SOCS7: variants seen among roughly 807,000 people sequenced by gnomAD.
SOCS7 encodes the protein suppressor of cytokine signaling 7.
Under a neutral mutation model 58.9 loss-of-function variants are expected in SOCS7, and 18 were observed. That is an observed-to-expected ratio of 0.31 (90% CI 0.21 to 0.45). The LOEUF (loss-of-function observed/expected upper bound fraction) is 0.45. SOCS7 is among the 20% of genes least tolerant of loss of function. SOCS7 has a pLI of 1.00. For synonymous variants in SOCS7, 388 were observed against 364.3 expected, an observed-to-expected ratio of 1.06 and a Z score of -0.74; for missense variants, 667 against 837.3, an observed-to-expected ratio of 0.80 and a Z score of 2.51.
At chr17:38,396,714 T>C (rs1242165706) in intron 9 of SOCS7, among the ~76,000 whole-genome samples, 1 of 152,208 alleles carries the variant, frequency 6.6e-6, no homozygotes, top group Non-Finnish European at 1.5e-5. Context: ...AAAGTGAACA[T>C]TGTGGGGCCA....
chr17:38,352,378 C>T lies in SOCS7; in HGVS notation c.326C>T (p.Ala109Val), dbSNP rs182736053. The T allele has an allele frequency of 7.6e-6, 11 of 1,438,692 alleles. No individual in the cohort carries two copies. The Admixed American group carries it at 1.8e-4, about 24-fold the overall frequency. 89.1% of individuals were successfully genotyped at this position (1,438,692 alleles called of 1,614,324 possible). A position where few individuals can be genotyped will look rare whatever the true frequency, so the allele number is the denominator to read the frequency against. ...CCCAAGGCCCTGCCGCCGGGCTTGG[C>T]GCTCGAGCGGACCTGGGGCCCGGCG... Reference protein sequence around the residue: ...LDPKALPPGLALERTWGPAAG... With the variant: ...LDPKALPPGLVLERTWGPAAG... The change falls in exon 1 of 10, where the codon GCG (alanine) becomes GTG (valine). Residue 109 changes from alanine to valine, a missense_variant. Around this residue, in one of 9 missense-constraint regions of SOCS7, gnomAD observed 154 missense variants for 156.3 expected, o/e 0.98. Transcript: ENST00000612932. The surrounding 1 kb of genome is among the most constrained non-coding windows in gnomAD (Gnocchi z 5.5).
chr17:38,384,837 C>T (rs189672904), intron 7 of SOCS7, among the ~76,000 whole-genome samples: 10 of 151,748 alleles, frequency 6.6e-5, no homozygotes, highest in Admixed American at 2.6e-4. Context: ...GTGATCCACC[C>T]GCCTCAGCCT....
chr17:38,389,906 TAG>T lies in SOCS7; in HGVS notation c.1682-5382_1682-5381del, dbSNP rs772399580. Among the ~76,000 whole-genome samples, 194 of 103,336 alleles carry T rather than the reference TAG, an allele frequency of 1.9e-3. 1 individual carries two copies. The highest frequency in any genetic ancestry group is 0.015 in the Middle Eastern group (3 of 198). The allele number at this position is 103,336 out of a possible 152,430, so 67.8% of individuals were successfully genotyped here. A position where few individuals can be genotyped will look rare whatever the true frequency, so the allele number is the denominator to read the frequency against. On this transcript the variant is annotated intron_variant, in intron 7 of 9. Coordinates refer to ENST00000612932, the MANE Select transcript of SOCS7 (RefSeq NM_014598.4). ...ATGTACATATATATATATACACATA[TAG>T]AGAGAGAGAGAGAGAGAGAGTGAGA...
intron 6 of SOCS7, among the ~76,000 whole-genome samples, chr17:38,371,298 G>T (rs1597694391): frequency 6.8e-6 from 1 of 147,002 alleles, no homozygotes; most frequent in Admixed American, 6.8e-5. Flanking sequence ...TTTTTGAGAC[G>T]GAGTCTCGCT....
chr17:38,354,310 T>G (rs913733683), intron 1 of SOCS7, among the ~76,000 whole-genome samples: 7 of 152,204 alleles, frequency 4.6e-5, no homozygotes, highest in Non-Finnish European at 1.0e-4. Context: ...AACCTTACTG[T>G]GAACTAAGAT....
chr17:38,367,670 G>A (rs1444739647), intron 5 of SOCS7, among the ~76,000 whole-genome samples: 2 of 152,222 alleles, frequency 1.3e-5, no homozygotes, highest in Admixed American at 6.5e-5. Flanking sequence ...CACAGCTCAC[G>A]GCCAGAATTA....
intron 7 of SOCS7, among the ~76,000 whole-genome samples, chr17:38,380,974 C>T (rs2037993303): frequency 6.6e-6 from 1 of 152,182 alleles, no homozygotes; most frequent in South Asian, 2.1e-4. Flanking sequence ...AAAGGTAACT[C>T]GGTTGATCAG....
At chr17:38,388,727 A>C (rs950953530) in intron 7 of SOCS7, among the ~76,000 whole-genome samples, 3 of 152,182 alleles carry the variant, frequency 2.0e-5, no homozygotes, top group Admixed American at 2.0e-4. Context: ...TGTTTGGTAC[A>C]TTTCACATAA....
chr17:38,362,703 A>G (rs977708595), intron 2 of SOCS7, among the ~76,000 whole-genome samples: 3 of 152,224 alleles, frequency 2.0e-5, no homozygotes, highest in African/African-American at 7.2e-5. Flanking sequence ...CTGTATAGGC[A>G]TCTACTGTAG....
intron 1 of SOCS7, among the ~76,000 whole-genome samples, chr17:38,361,263 C>T (rs976353608): frequency 6.6e-6 from 1 of 152,280 alleles, no homozygotes; most frequent in African/African-American, 2.4e-5. Context: ...AGGTCAGAAT[C>T]TGTTCCTTGG....
At chr17:38,387,336 A>C (rs1466356129) in intron 7 of SOCS7, among the ~76,000 whole-genome samples, 3 of 145,554 alleles carry the variant, frequency 2.1e-5, no homozygotes, top group Admixed American at 7.0e-5. Flanking sequence ...AATCCCAGCT[A>C]CTTGGGAGGC....
chr17:38,354,291 T>C (rs1404968968), intron 1 of SOCS7, among the ~76,000 whole-genome samples: 1 of 152,168 alleles, frequency 6.6e-6, no homozygotes, highest in Non-Finnish European at 1.5e-5. Context: ...AGAACAGGTA[T>C]AAATTGATAA....
chr17:38,371,125 GT>G (rs1412435184), intron 6 of SOCS7, among the ~76,000 whole-genome samples: 1 of 151,986 alleles, frequency 6.6e-6, no homozygotes, highest in African/African-American at 2.4e-5. Flanking sequence ...GTTTTGTTTT[GT>G]TTTTTAAAGA....
intron 1 of SOCS7, among the ~76,000 whole-genome samples, chr17:38,355,767 A>G (rs1175944207): frequency 2.6e-5 from 4 of 152,202 alleles, no homozygotes; most frequent in East Asian, 1.9e-4. Context: ...AGGTTTAACA[A>G]TTCCCACATT....
chr17:38,373,083 G>T (rs1225644457), intron 6 of SOCS7, among the ~76,000 whole-genome samples: 1 of 151,150 alleles, frequency 6.6e-6, no homozygotes, highest in East Asian at 1.9e-4. Context: ...TCCAGCCTGG[G>T]CAACAAGAGC....
At chr17:38,389,667 AT>A (rs1380309878) in intron 7 of SOCS7, among the ~76,000 whole-genome samples, 31 of 142,184 alleles carry the variant, frequency 2.2e-4, no homozygotes, top group Non-Finnish European at 3.5e-4. Context: ...AGCATGAAGG[AT>A]TTTGATGAGT....
rs772572762 is a variant in SOCS7, at chr17:38,364,874, C to T, written c.1150+18C>T. ...CCTCCTAGGTATAGTTTCTTCCCCT[C>T]TCCACCTTCTTGCCTAGTGGGAGGG... On this transcript the variant is annotated intron_variant, in intron 3 of 9. Transcript: ENST00000612932. 4.4e-6 allele frequency: 7 copies of T among 1,589,334 alleles called. No homozygotes were observed. Among genetic ancestry groups the T allele is most frequent in the Non-Finnish European group, 5.2e-6 (6 of 1,158,256 alleles).
rs1181894944 is a variant in SOCS7, at chr17:38,352,781, G to A, written c.729G>A (p.Glu243=). 6.5e-7 allele frequency: 1 copy of A among 1,526,950 alleles called. No homozygotes were observed. The highest frequency in any genetic ancestry group is 2.0e-5 in the Admixed American group (1 of 50,464). 94.6% of individuals were successfully genotyped at this position (1,526,950 alleles called of 1,614,324 possible). A position where few individuals can be genotyped will look rare whatever the true frequency, so the allele number is the denominator to read the frequency against. Residue 243 remains glutamate, a synonymous_variant, in exon 1 of 10, where the codon GAG becomes GAA. Transcript: ENST00000612932. The surrounding 1 kb of genome is among the most constrained non-coding windows in gnomAD (Gnocchi z 5.5). Reference sequence around the variant, plus strand: ...CTCTGGGGCGCCTGAGTAGAGGGGAGCAGCAGCAGCAGCAGCAGCAGCAAC... The same window carrying A: ...CTCTGGGGCGCCTGAGTAGAGGGGAACAGCAGCAGCAGCAGCAGCAGCAAC... ...LVPLGRLSRG[E]QQQQQQQQPP...
intron 6 of SOCS7, among the ~76,000 whole-genome samples, chr17:38,376,924 A>T (rs1000319158): frequency 6.6e-6 from 1 of 152,230 alleles, no homozygotes; most frequent in Non-Finnish European, 1.5e-5. Context: ...GTGTTTAGGT[A>T]CATGAATACT....
Sources: allele counts gnomAD v4.1 joint callset (sites outside exome capture counted in the v4.1 genomes callset), GRCh38; gene constraint gnomAD v4.1.1; regional missense constraint gnomAD v4.1.1; non-coding constraint Gnocchi (gnomAD v3.1); transcripts MANE v1.5; gene names NCBI Gene and HGNC (gene_info 2026-07-23, HGNC 2026-07-21).